KCNIP4: variants seen among roughly 807,000 people sequenced by gnomAD.
KCNIP4 encodes the protein Kv channel-interacting protein 4.
In KCNIP4, 12 loss-of-function variants were observed where a neutral mutation model predicts 34.0. The observed-to-expected ratio is 0.35, with a 90% CI of 0.23 to 0.57. The LOEUF is 0.57. Among genes scored for constraint, KCNIP4 ranks in the 20% least tolerant of loss-of-function variants. KCNIP4 has a pLI of 0.83. For missense variants in KCNIP4, 238 were observed against 311.7 expected, an observed-to-expected ratio of 0.76 and a Z score of 1.78; for synonymous variants, 124 against 102.2, an observed-to-expected ratio of 1.21 and a Z score of -1.29.
chr4:21,110,866 C>A (rs537887171), intron 1 of KCNIP4, among the ~76,000 whole-genome samples: 1 of 152,090 alleles, frequency 6.6e-6, no homozygotes, highest in Non-Finnish European at 1.5e-5. Flanking sequence ...AGACCAGAAC[C>A]GTGAGAAATA....
At chr4:21,169,764 G>A (rs1170385029) in intron 1 of KCNIP4, among the ~76,000 whole-genome samples, 4 of 151,014 alleles carry the variant, frequency 2.6e-5, no homozygotes, top group African/African-American at 9.7e-5. Context: ...TGAACAGAAG[G>A]ACATCAGAAT....
At chr4:21,501,194 T>TA (rs955717435) in intron 1 of KCNIP4, among the ~76,000 whole-genome samples, 2 of 151,106 alleles carry the variant, frequency 1.3e-5, no homozygotes, top group Non-Finnish European at 3.0e-5. Flanking sequence ...TATTTAAGTC[T>TA]AAAAAAAAAT....
At chr4:21,715,321 G>C (rs149030063) in intron 1 of KCNIP4, among the ~76,000 whole-genome samples, 1 of 151,790 alleles carries the variant, frequency 6.6e-6, no homozygotes, top group Non-Finnish European at 1.5e-5. Context: ...TAGTAGACAC[G>C]GGGTTTCACC....
chr4:21,716,159 C>A (rs1714357954), intron 1 of KCNIP4, among the ~76,000 whole-genome samples: 1 of 145,408 alleles, frequency 6.9e-6, no homozygotes, highest in Non-Finnish European at 1.5e-5. Context: ...GATGGTCAGA[C>A]AGTTGTCTAC....
chr4:20,920,031 G>T (rs1336985908), intron 1 of KCNIP4, among the ~76,000 whole-genome samples: 2 of 152,066 alleles, frequency 1.3e-5, no homozygotes, highest in African/African-American at 4.8e-5. Context: ...CATTTGAAAT[G>T]AGACAAGTAT....
intron 1 of KCNIP4, among the ~76,000 whole-genome samples, chr4:21,058,548 G>A (rs1743625302): frequency 6.6e-6 from 1 of 152,010 alleles, no homozygotes; most frequent in South Asian, 2.1e-4. Context: ...GATAATTATG[G>A]TCCCTAAATC....
At chr4:21,024,783 A>C (rs1050621974) in intron 1 of KCNIP4, among the ~76,000 whole-genome samples, 23 of 152,188 alleles carry the variant, frequency 1.5e-4, no homozygotes, top group Non-Finnish European at 2.8e-4. Flanking sequence ...TTTTTTCAAT[A>C]GATCCTATTG....
At chr4:21,504,078 A>T (rs909033087) in intron 1 of KCNIP4, among the ~76,000 whole-genome samples, 1 of 152,212 alleles carries the variant, frequency 6.6e-6, no homozygotes, top group East Asian at 1.9e-4. Flanking sequence ...GGGCTCAAAG[A>T]TCTACATTTT....
chr4:20,996,721 T>A (rs1227209951), intron 1 of KCNIP4, among the ~76,000 whole-genome samples: 1 of 151,962 alleles, frequency 6.6e-6, no homozygotes, highest in Non-Finnish European at 1.5e-5. Flanking sequence ...TTGCTGTTTT[T>A]TTATTTAATT....
At chr4:21,262,158 T>G (rs1761512140) in intron 1 of KCNIP4, among the ~76,000 whole-genome samples, 3 of 152,142 alleles carry the variant, frequency 2.0e-5, no homozygotes, top group Admixed American at 2.0e-4. Context: ...TTATTTTTTT[T>G]GAAAACCTTT....
chr4:21,201,192 T>G (rs1021726273), intron 1 of KCNIP4, among the ~76,000 whole-genome samples: 1 of 152,226 alleles, frequency 6.6e-6, no homozygotes, highest in African/African-American at 2.4e-5. Context: ...CATGAAGCTT[T>G]CTGTTTTAGC....
At chr4:21,872,333 C>T (rs1025204942) in intron 1 of KCNIP4, among the ~76,000 whole-genome samples, 16 of 152,292 alleles carry the variant, frequency 1.1e-4, no homozygotes, top group African/African-American at 3.6e-4. Context: ...AACTCCTACT[C>T]CAGCGCTATG....
chr4:21,499,098 T>A (rs1195485343), intron 1 of KCNIP4, among the ~76,000 whole-genome samples: 2 of 152,196 alleles, frequency 1.3e-5, no homozygotes, highest in African/African-American at 2.4e-5. Flanking sequence ...TTTGGGAGGC[T>A]GAGGTGGGCA....
At chr4:21,174,916 G>T (rs1056144595) in intron 1 of KCNIP4, among the ~76,000 whole-genome samples, 1 of 139,732 alleles carries the variant, frequency 7.2e-6, no homozygotes, top group African/African-American at 2.6e-5. Context: ...AAAAAAAAAA[G>T]AAAAAAAAAG....
chr4:21,180,713 G>A (rs1485887496), intron 1 of KCNIP4, among the ~76,000 whole-genome samples: 2 of 150,102 alleles, frequency 1.3e-5, no homozygotes, highest in Non-Finnish European at 3.0e-5. Context: ...GTATATTTGT[G>A]TATATATATA....
chr4:21,275,125 G>T (rs1262687083), intron 1 of KCNIP4, among the ~76,000 whole-genome samples: 2 of 152,118 alleles, frequency 1.3e-5, no homozygotes, highest in Non-Finnish European at 2.9e-5. Flanking sequence ...CTGATTCATG[G>T]ATCTGCATAG....
At chr4:20,831,704 G>A (rs910021885) in intron 3 of KCNIP4, among the ~76,000 whole-genome samples, 1 of 152,090 alleles carries the variant, frequency 6.6e-6, no homozygotes, top group Non-Finnish European at 1.5e-5. Context: ...TTCAGTAATA[G>A]GCTTGCCTTC....
chr4:21,652,639 C>A (rs1161850936), intron 1 of KCNIP4, among the ~76,000 whole-genome samples: 1 of 152,112 alleles, frequency 6.6e-6, no homozygotes, highest in African/African-American at 2.4e-5. Context: ...TTCCATTGAG[C>A]CATATGCTAC....
chr4:21,295,918 GTGAATGAA>G (rs3080876), intron 1 of KCNIP4, among the ~76,000 whole-genome samples: 1,546 of 151,106 alleles, frequency 0.01, 19 homozygotes, highest in East Asian at 0.041. Context: ...CATGCAGTTA[GTGAATGAA>G]TGAATGAATG....
Sources: allele counts gnomAD v4.1 joint callset (sites outside exome capture counted in the v4.1 genomes callset), GRCh38; gene constraint gnomAD v4.1.1; transcripts MANE v1.5; gene names NCBI Gene and HGNC (gene_info 2026-07-23, HGNC 2026-07-21).